The following CTNND2 variants were observed in gnomAD, a reference collection of about 807,000 sequenced individuals.
The protein encoded by CTNND2 is catenin delta-2.
CTNND2 carries 22 observed loss-of-function variants against 144.4 expected under a neutral mutation model. The observed-to-expected ratio is 0.15, with a 90% CI of 0.11 to 0.22. The LOEUF (loss-of-function observed/expected upper bound fraction) is 0.22, where lower values mean the gene tolerates loss of function less well. Ranked by LOEUF, CTNND2 falls within the 10% of genes least tolerant of loss-of-function variation. The probability of loss-of-function intolerance (pLI) is 1.00; values close to 1 mark genes in which losing one functional copy is unlikely to be tolerated. For synonymous variants in CTNND2, 751 were observed against 695.6 expected (o/e 1.08, Z -1.25); for missense variants, 1,353 against 1,618.8 (o/e 0.84, Z 2.82).
intron 3 of CTNND2, among the ~76,000 whole-genome samples, chr5:11,546,365 G>C (rs1363943761): frequency 6.6e-6 from 1 of 151,826 alleles, no homozygotes; most frequent in Non-Finnish European, 1.5e-5. Context: ...AATAAAAAAG[G>C]TTGTCTGCTC....
intron 3 of CTNND2, among the ~76,000 whole-genome samples, chr5:11,418,858 TA>T (rs1238357652): frequency 6.6e-6 from 1 of 152,120 alleles, no homozygotes; most frequent in Non-Finnish European, 1.5e-5. Context: ...ATGTAGTTCT[TA>T]AAAACAAAAT....
At chr5:11,425,648 C>A (rs1054129605) in intron 3 of CTNND2, among the ~76,000 whole-genome samples, 1 of 152,158 alleles carries the variant, frequency 6.6e-6, no homozygotes, top group Non-Finnish European at 1.5e-5. Flanking sequence ...TAGAGCATAT[C>A]TTTAATCATT....
chr5:11,750,148 G>A (rs4351150), intron 1 of CTNND2, among the ~76,000 whole-genome samples: 2 of 151,934 alleles, frequency 1.3e-5, no homozygotes, highest in Non-Finnish European at 2.9e-5. Flanking sequence ...ATAGATACTA[G>A]CGCTGCTGAC....
intron 11 of CTNND2, among the ~76,000 whole-genome samples, chr5:11,162,699 T>C (rs1166049606): frequency 6.8e-6 from 1 of 147,300 alleles, no homozygotes; most frequent in African/African-American, 2.4e-5. Context: ...CAGATTTTCT[T>C]GAGGGGGAAT....
rs553274544 is a variant in CTNND2 at position 11,721,713 on chromosome 5, T to A, written c.174+10423A>T. ...TGGTGCTGCATGCCTGGAGACTGCG[T>A]GCCTGTCCACATGGCCTCTTTACAA... On this transcript the variant is annotated intron_variant, in intron 2 of 21. Transcript: ENST00000304623. 2.6e-5 allele frequency among the ~76,000 whole-genome samples: 4 copies of A among 152,352 alleles called. No individual in the cohort carries two copies. In the South Asian group the frequency reaches 8.3e-4, roughly 32 times the overall value.
At chr5:11,803,366 A>G (rs1039038761) in intron 1 of CTNND2, among the ~76,000 whole-genome samples, 1 of 152,166 alleles carries the variant, frequency 6.6e-6, no homozygotes, top group African/African-American at 2.4e-5. Flanking sequence ...AAGAGGGGTC[A>G]CTGAGAAATT....
chr5:11,281,800 G>T (rs549146404), intron 9 of CTNND2, among the ~76,000 whole-genome samples: 1 of 152,088 alleles, frequency 6.6e-6, no homozygotes, highest in Non-Finnish European at 1.5e-5. Context: ...ATTGGGTGAC[G>T]GCCAATTTTC....
At chr5:11,372,240 A>T (rs1406861630) in intron 7 of CTNND2, among the ~76,000 whole-genome samples, 5 of 152,234 alleles carry the variant, frequency 3.3e-5, no homozygotes, top group African/African-American at 1.2e-4. Context: ...CATCATGGTA[A>T]GTGTGTCCAT....
chr5:11,672,267 C>T (rs569170030), intron 2 of CTNND2, among the ~76,000 whole-genome samples: 281 of 152,270 alleles, frequency 1.8e-3, no homozygotes, highest in Non-Finnish European at 3.0e-3. Flanking sequence ...GGTCAGGGAC[C>T]CACTTGAGGA....
intron 1 of CTNND2, among the ~76,000 whole-genome samples, chr5:11,771,974 A>G (rs2126827246): frequency 6.6e-6 from 1 of 152,314 alleles, no homozygotes. Flanking sequence ...TTTCTAGTCA[A>G]GTTTGCTGAT....
intron 2 of CTNND2, among the ~76,000 whole-genome samples, chr5:11,625,763 TA>T (rs1781121385): frequency 6.6e-6 from 1 of 152,046 alleles, no homozygotes; most frequent in East Asian, 1.9e-4. Flanking sequence ...GACTCAACAC[TA>T]AAAAGAGAAC....
At chr5:11,204,386 C>T (rs1266531944) in intron 10 of CTNND2, among the ~76,000 whole-genome samples, 3 of 152,184 alleles carry the variant, frequency 2.0e-5, no homozygotes, top group Non-Finnish European at 4.4e-5. Flanking sequence ...ACAGTTTAAA[C>T]TCTAGAACTG....
chr5:11,505,156 A>C (rs1177419638), intron 3 of CTNND2, among the ~76,000 whole-genome samples: 1 of 152,076 alleles, frequency 6.6e-6, no homozygotes, highest in African/African-American at 2.4e-5. Flanking sequence ...AAAAACTGTT[A>C]ACATTTAAGA....
rs530012261 is a variant in CTNND2 at position 11,679,793 on chromosome 5, G to A, written c.174+52343C>T. On this transcript the variant is annotated intron_variant, in intron 2 of 21. Transcript: ENST00000304623. ...AGTGGCTGCTAATGATATTAGTAAC[G>A]TATCCTGTTGTAGGCACTCATAAAA... 2.7e-4 allele frequency among the ~76,000 whole-genome samples: 41 copies of A among 152,270 alleles called. No individual in the cohort carries two copies. In the South Asian group the frequency reaches 7.1e-3, roughly 26 times the overall value.
rs1056479847 is a variant in CTNND2 at position 10,996,444 on chromosome 5, G to A, written c.3085-3767C>T. 8.7e-5 allele frequency among the ~76,000 whole-genome samples: 10 copies of A among 115,386 alleles called. No individual in the cohort carries two copies. The South Asian group carries it at 1.8e-3, about 21-fold the overall frequency. 75.7% of individuals were successfully genotyped at this position (115,386 alleles called of 152,430 possible). On this transcript the variant is annotated intron_variant, in intron 18 of 21. Coordinates refer to ENST00000304623, the MANE Select transcript of CTNND2 (RefSeq NM_001332.4). ...GAAAGACGACTGCTCCAAGAAGGAC[G>A]TCTGTTCCACCTCCAGGGTGGGACA...
intron 2 of CTNND2, among the ~76,000 whole-genome samples, chr5:11,695,298 G>A (rs919236803): frequency 6.6e-6 from 1 of 152,048 alleles, no homozygotes; most frequent in African/African-American, 2.4e-5. Flanking sequence ...TGGCCTGAGA[G>A]GAAATTAATA....
chr5:11,472,943 G>T (rs31942), intron 3 of CTNND2, among the ~76,000 whole-genome samples: 51,082 of 151,916 alleles, frequency 0.34, 9,402 homozygotes, highest in South Asian at 0.45. Flanking sequence ...GCATGGTGGC[G>T]CATGCCTGTG....
Position 11,693,808 on chromosome 5 carries a change from A to T in CTNND2, c.174+38328T>A, listed in dbSNP as rs754437351. Reference sequence around the variant, plus strand: ...GTTTTGTTCTATAAAGTCAATGATAACACTGAATTAGAGAATACTGAGCTA... The same window carrying T: ...GTTTTGTTCTATAAAGTCAATGATATCACTGAATTAGAGAATACTGAGCTA... On this transcript the variant is annotated intron_variant, in intron 2 of 21. Coordinates refer to ENST00000304623, the MANE Select transcript of CTNND2 (RefSeq NM_001332.4). Among the ~76,000 whole-genome samples the T allele has an allele frequency of 3.5e-4, 54 of 152,252 alleles. 1 individual carries two copies. Among genetic ancestry groups the T allele is most frequent in the Admixed American group, 3.1e-3 (47 of 15,288 alleles).
At chr5:11,013,567 G>A (rs147912122) in intron 18 of CTNND2, among the ~76,000 whole-genome samples, 16 of 152,310 alleles carry the variant, frequency 1.1e-4, no homozygotes, top group African/African-American at 2.9e-4. Context: ...AGACAGATTA[G>A]ACTTTTCCAG....
Sources: gnomAD v4.1 joint callset for allele counts (sites outside exome capture counted in the v4.1 genomes callset) on GRCh38, gnomAD v4.1.1 for gene constraint, MANE v1.5 for transcripts, NCBI Gene and HGNC (gene_info 2026-07-23, HGNC 2026-07-21) for gene names.